The following RFX3 variants were observed in gnomAD, a reference collection of about 807,000 sequenced individuals.
RFX3 encodes the protein transcription factor RFX3.
Under a neutral mutation model 98.6 loss-of-function variants are expected in RFX3, and 14 were observed. The ratio of observed to expected loss-of-function variants is 0.14; its 90% CI spans 0.09 to 0.22. The LOEUF (loss-of-function observed/expected upper bound fraction) is 0.22, where lower values mean the gene tolerates loss of function less well. Ranked by LOEUF, RFX3 falls within the 10% of genes least tolerant of loss-of-function variation. RFX3 has a pLI of 1.00. For missense variants in RFX3, 639 were observed against 926.9 expected, an observed-to-expected ratio of 0.69 and a Z score of 4.03; for synonymous variants, 383 against 328.4, an observed-to-expected ratio of 1.17 and a Z score of -1.80.
chr9:3,509,005 G>A (rs1482822730), intron 1 of RFX3, among the ~76,000 whole-genome samples: 1 of 151,558 alleles, frequency 6.6e-6, no homozygotes, highest in Non-Finnish European at 1.5e-5. Flanking sequence ...AGGAGAGAGA[G>A]AGAAATAATT....
intron 1 of RFX3, among the ~76,000 whole-genome samples, chr9:3,504,288 A>T (rs1587879468): frequency 5.0e-5 from 5 of 100,166 alleles, no homozygotes; most frequent in Admixed American, 3.6e-4. Flanking sequence ...TAACATATAA[A>T]ATATATATTA....
chr9:3,512,728 T>C (rs1467961864), intron 1 of RFX3, among the ~76,000 whole-genome samples: 1 of 152,044 alleles, frequency 6.6e-6, no homozygotes, highest in African/African-American at 2.4e-5. Context: ...AAGTACAATC[T>C]TTTTCCTTGG....
chr9:3,464,817 G>C (rs1442349295), intron 1 of RFX3, among the ~76,000 whole-genome samples: 1 of 151,980 alleles, frequency 6.6e-6, no homozygotes, highest in African/African-American at 2.4e-5. Flanking sequence ...AATATATGTT[G>C]AAGACTTTTA....
chr9:3,431,343 A>G (rs112141346), intron 1 of RFX3, among the ~76,000 whole-genome samples: 139 of 152,326 alleles, frequency 9.1e-4, no homozygotes, highest in Non-Finnish European at 1.7e-3. Context: ...GAAAAGTTAC[A>G]TTACAACAAA....
intron 4 of RFX3, among the ~76,000 whole-genome samples, chr9:3,324,540 G>C (rs1831676758): frequency 1.4e-5 from 2 of 144,862 alleles, no homozygotes; most frequent in African/African-American, 5.2e-5. Flanking sequence ...AAGACATATT[G>C]TTAGGTGAAA....
intron 1 of RFX3, chr9:3,452,476 C>T (rs561104429): frequency 6.1e-6 from 1 of 163,726 alleles, no homozygotes; most frequent in East Asian, 1.8e-4. Context: ...CTTGCTAGTC[C>T]CAACTACTAC....
At chr9:3,396,174 T>G (rs904141400) in intron 1 of RFX3, among the ~76,000 whole-genome samples, 1 of 152,136 alleles carries the variant, frequency 6.6e-6, no homozygotes, top group Non-Finnish European at 1.5e-5. Context: ...TATCTCCTAA[T>G]GCTATGCCTC....
intron 1 of RFX3, among the ~76,000 whole-genome samples, chr9:3,424,644 G>C (rs1433559034): frequency 6.6e-6 from 1 of 152,078 alleles, no homozygotes; most frequent in African/African-American, 2.4e-5. Context: ...ACAGGCGTGA[G>C]CCACCGCGCC....
intron 1 of RFX3, among the ~76,000 whole-genome samples, chr9:3,492,382 T>G (rs1176545784): frequency 6.6e-6 from 1 of 152,238 alleles, no homozygotes; most frequent in Non-Finnish European, 1.5e-5. Context: ...CCCATTGCCC[T>G]TGGGCCACTC....
chr9:3,429,915 C>T (rs1351721043), intron 1 of RFX3, among the ~76,000 whole-genome samples: 1 of 152,198 alleles, frequency 6.6e-6, no homozygotes, highest in Non-Finnish European at 1.5e-5. Context: ...GGCTTCCAAC[C>T]CACGGCCCAC....
intron 7 of RFX3, among the ~76,000 whole-genome samples, chr9:3,284,505 C>T (rs1229553851): frequency 6.6e-6 from 1 of 151,504 alleles, no homozygotes; most frequent in Non-Finnish European, 1.5e-5. Flanking sequence ...ACACAGTCTC[C>T]TGCCTCCTTA....
chr9:3,503,173 T>G (rs1304749003), intron 1 of RFX3, among the ~76,000 whole-genome samples: 2 of 152,164 alleles, frequency 1.3e-5, no homozygotes, highest in African/African-American at 2.4e-5. Context: ...GGCCCACAGC[T>G]TGAGAAAATG....
intron 1 of RFX3, among the ~76,000 whole-genome samples, chr9:3,523,577 A>G (rs543730847): frequency 6.6e-6 from 1 of 152,340 alleles, no homozygotes; most frequent in Non-Finnish European, 1.5e-5. Flanking sequence ...AAGTTCTCAG[A>G]CACTGTAAAT....
At chr9:3,263,109 G>T in intron 12 of RFX3, 25 bp from the exon 13 acceptor site, 1 of 1,606,382 alleles carries the variant, frequency 6.2e-7, no homozygotes, top group Non-Finnish European at 8.5e-7. Context: ...AATTAAGTTG[G>T]GATTCTGTTT....
chr9:3,337,484 C>G (rs148768343), intron 3 of RFX3, among the ~76,000 whole-genome samples: 79 of 152,252 alleles, frequency 5.2e-4, no homozygotes, highest in South Asian at 4.4e-3. Flanking sequence ...ACTCAAATAA[C>G]CAGGTGGACT....
At chr9:3,462,632 A>C (rs1414430017) in intron 1 of RFX3, among the ~76,000 whole-genome samples, 1 of 152,094 alleles carries the variant, frequency 6.6e-6, no homozygotes, top group Non-Finnish European at 1.5e-5. Flanking sequence ...TTGTCTATGC[A>C]GAACATTTTT....
rs141988658 is a variant in RFX3 at position 3,291,994 on chromosome 9, T to C, written c.731+1083A>G. Among the ~76,000 whole-genome samples the C allele has an allele frequency of 3.5e-3, 459 of 129,394 alleles. 5 individuals are homozygous for C. Among genetic ancestry groups the C allele is most frequent in the African/African-American group, 0.013 (437 of 33,926 alleles). The allele number at this position is 129,394 out of a possible 152,430, so 84.9% of individuals were successfully genotyped here. A position where few individuals can be genotyped will look rare whatever the true frequency, so the allele number is the denominator to read the frequency against. On this transcript the variant is annotated intron_variant, in intron 6 of 16. Transcript: ENST00000617270. ...ATCATTTGAACCTGCGAGGCAGAGGTTGCAGTGAGCTGAGATCGTGCCACT... is the reference window on the plus strand; with the variant it reads ...ATCATTTGAACCTGCGAGGCAGAGGCTGCAGTGAGCTGAGATCGTGCCACT...
rs1817360679 is a variant in RFX3 at position 3,221,945 on chromosome 9, T to A, written c.*3097A>T. On this transcript the variant is annotated 3_prime_UTR_variant, in exon 17 of 17. Transcript: ENST00000617270. The stretch of plus-strand genomic sequence containing the variant: ...TATAATTGCAAGAAATACAAAGAAG[T>A]CTTAAAATGTGTACTTGTGTCATTT... 6.6e-6 allele frequency: 1 copy of A among 152,112 alleles called. No homozygotes were observed. Among genetic ancestry groups the A allele is most frequent in the African/African-American group, 2.4e-5 (1 of 41,422 alleles). 9.4% of individuals were successfully genotyped at this position (152,112 alleles called of 1,614,324 possible). A position where few individuals can be genotyped will look rare whatever the true frequency, so the allele number is the denominator to read the frequency against.
In RFX3 at chr9:3,473,898, A is replaced by T. The variant is rs898710781; in HGVS notation, c.-9+51849T>A. On this transcript the variant is annotated intron_variant, in intron 1 of 16. Coordinates refer to ENST00000617270, the MANE Select transcript of RFX3 (RefSeq NM_001282116.2). Reference sequence around the variant, plus strand: ...ACTGCTGTTGAAATAGGCAAAGATAAGAGAAATATTTTTAAACCTGGGAAA... The same window carrying T: ...ACTGCTGTTGAAATAGGCAAAGATATGAGAAATATTTTTAAACCTGGGAAA... Among the ~76,000 whole-genome samples, 3 of 152,224 alleles carry T rather than the reference A, an allele frequency of 2.0e-5. No homozygotes were observed. In the East Asian group the frequency reaches 5.8e-4, roughly 29 times the overall value.
Sources: gnomAD v4.1 joint callset for allele counts (sites outside exome capture counted in the v4.1 genomes callset) on GRCh38, gnomAD v4.1.1 for gene constraint, MANE v1.5 for transcripts, NCBI Gene and HGNC (gene_info 2026-07-23, HGNC 2026-07-21) for gene names.